CFAP44: variants seen among roughly 807,000 people sequenced by gnomAD.
CFAP44 encodes the protein cilia- and flagella-associated protein 44.
In CFAP44, 134 loss-of-function variants were observed where a neutral mutation model predicts 216.2. That is an observed-to-expected ratio of 0.62 (90% CI 0.54 to 0.72). CFAP44 has a LOEUF of 0.72. Ranked by LOEUF, CFAP44 falls within the 30% of genes least tolerant of loss-of-function variation. CFAP44 has a pLI of 0.00. For synonymous variants in CFAP44, 700 were observed against 727.6 expected, an observed-to-expected ratio of 0.96 and a Z score of 0.61; for missense variants, 2,035 against 2,182.1, an observed-to-expected ratio of 0.93 and a Z score of 1.34.
intron 26 of CFAP44, 63 bp downstream of exon 26, chr3:113,330,105 G>A (rs1021121167): frequency 2.3e-5 from 33 of 1,442,184 alleles, no homozygotes; most frequent in South Asian, 1.4e-4. Flanking sequence ...CAAAAAACCC[G>A]ACCCAATTTT....
chr3:113,290,291 T>C lies in CFAP44; in HGVS notation c.*1266A>G, dbSNP rs1010317212. On this transcript the variant is annotated 3_prime_UTR_variant, in exon 35 of 35. Transcript: ENST00000393845. ...TATTCTGACCTCTTAAATAGGAATA[T>C]GAAGGAATCTTAGGAAGACAATAGG... 2.0e-5 allele frequency: 3 copies of C among 152,178 alleles called. No individual in the cohort carries two copies. The highest frequency in any genetic ancestry group is 4.4e-5 in the Non-Finnish European group (3 of 68,040). 9.4% of individuals were successfully genotyped at this position (152,178 alleles called of 1,614,324 possible).
intron 27 of CFAP44, 98 bp downstream of exon 27, chr3:113,327,518 G>C (rs1257556822): frequency 9.1e-6 from 10 of 1,098,866 alleles, no homozygotes; most frequent in Admixed American, 2.4e-5. Context: ...AGAGATAAGG[G>C]CTAGAACAAG....
chr3:113,324,058 A>AAAAAG (rs1553753480), intron 28 of CFAP44, among the ~76,000 whole-genome samples: 1 of 151,506 alleles, frequency 6.6e-6, no homozygotes, highest in African/African-American at 2.4e-5. Context: ...AAAAAAAAAA[A>AAAAAG]AGAGAGAAAT....
intron 15 of CFAP44, among the ~76,000 whole-genome samples, chr3:113,392,792 G>T (rs1330616510): frequency 6.6e-6 from 1 of 152,116 alleles, no homozygotes; most frequent in Non-Finnish European, 1.5e-5. Flanking sequence ...TAATACGGGA[G>T]GAAGAACATG....
intron 15 of CFAP44, among the ~76,000 whole-genome samples, chr3:113,388,889 G>A (rs1933720721): frequency 6.6e-6 from 1 of 152,106 alleles, no homozygotes; most frequent in Non-Finnish European, 1.5e-5. Context: ...AATATTATTA[G>A]AGCTAAAGAA....
Position 113,396,744 on chromosome 3 carries a change from G to C in CFAP44, c.1570-17C>G, listed in dbSNP as rs1934003137. The C allele has an allele frequency of 6.2e-7, 1 of 1,609,648 alleles. No homozygotes were observed. The highest frequency in any genetic ancestry group is 8.5e-7 in the Non-Finnish European group (1 of 1,176,944). ...GAAGTTTACCTTGGAGAAAATTAAA[G>C]ATAAGGGACCTGAAACTAGTTAAAT... is the stretch of plus-strand genomic sequence containing the variant. On this transcript the variant is annotated splice_polypyrimidine_tract_variant and intron_variant, in intron 13 of 34. Transcript: ENST00000393845.
At chr3:113,359,077 C>A (rs542163532) in intron 21 of CFAP44, among the ~76,000 whole-genome samples, 1 of 152,262 alleles carries the variant, frequency 6.6e-6, no homozygotes, top group Non-Finnish European at 1.5e-5. Context: ...AACAATAATA[C>A]AAATAAAGCT....
intron 29 of CFAP44, among the ~76,000 whole-genome samples, chr3:113,307,356 C>T (rs1189908164): frequency 1.3e-5 from 2 of 152,208 alleles, no homozygotes; most frequent in African/African-American, 2.4e-5. Flanking sequence ...TTATTTGTCA[C>T]TCATAAATGG....
At chr3:113,438,195 T>C (rs1189935067) in intron 1 of CFAP44, among the ~76,000 whole-genome samples, 2 of 152,246 alleles carry the variant, frequency 1.3e-5, no homozygotes, top group African/African-American at 4.8e-5. Flanking sequence ...CTCCTAGATA[T>C]TCTCTTTGAC....
rs534745106 is a variant in CFAP44, at chr3:113,307,345, AT to A, written c.4627+812del. 3.4e-4 allele frequency among the ~76,000 whole-genome samples: 52 copies of A among 152,348 alleles called. 1 individual carries two copies. The South Asian group carries it at 0.011, about 31-fold the overall frequency. ...TGAATCAACTGTCAATTGTCTGCAT[AT>A]TATTTGTCACTCATAAATGGCTGCC... On this transcript the variant is annotated intron_variant, in intron 29 of 34. Coordinates refer to ENST00000393845, the MANE Select transcript of CFAP44 (RefSeq NM_001164496.2).
intron 24 of CFAP44, 26 bp downstream of exon 24, chr3:113,341,718 A>G (rs976369918): frequency 6.9e-7 from 1 of 1,452,796 alleles, no homozygotes; most frequent in Non-Finnish European, 9.0e-7. Context: ...TTAAAAAGAT[A>G]AGAGTTTAGG....
In CFAP44 at chr3:113,333,577, C is replaced by T. The variant is rs994818251; in HGVS notation, c.3444G>A (p.Lys1148=). 1 of 1,517,904 alleles carries T rather than the reference C, an allele frequency of 6.6e-7. No individual in the cohort carries two copies. Among genetic ancestry groups the T allele is most frequent in the African/African-American group, 1.4e-5 (1 of 71,780 alleles). 94.0% of individuals were successfully genotyped at this position (1,517,904 alleles called of 1,614,324 possible). Residue 1148 remains lysine, a synonymous_variant, in exon 25 of 35, where the codon AAG becomes AAA. Coordinates refer to ENST00000393845, the MANE Select transcript of CFAP44 (RefSeq NM_001164496.2). The part of the protein sequence containing the change: ...QRKKEWEELY[K]SKPGDDYEDP... The stretch of plus-strand genomic sequence containing the variant: ...CTTCATAGTCATCACCAGGTTTACT[C>T]TTGTATCTATTAGAAAAACAGACAA...
At chr3:113,368,131 G>A (rs1336346877) in intron 18 of CFAP44, among the ~76,000 whole-genome samples, 1 of 152,222 alleles carries the variant, frequency 6.6e-6, no homozygotes, top group African/African-American at 2.4e-5. Context: ...ACCTGAAAGT[G>A]ATGGGGAAAA....
At chr3:113,388,234 T>C (rs1933703699) in intron 15 of CFAP44, among the ~76,000 whole-genome samples, 1 of 152,242 alleles carries the variant, frequency 6.6e-6, no homozygotes, top group East Asian at 1.9e-4. Context: ...TGGGCAAGAC[T>C]CGGTGCTATT....
chr3:113,365,888 C>A, intron 19 of CFAP44, 151 bp downstream of exon 19: 1 of 809,136 alleles, frequency 1.2e-6, no homozygotes, highest in South Asian at 2.6e-5. Context: ...ATATAAGCAC[C>A]AGAAAGTCAA....
chr3:113,292,630 T>C (rs1360484389), intron 34 of CFAP44, among the ~76,000 whole-genome samples: 1 of 152,188 alleles, frequency 6.6e-6, no homozygotes, highest in Non-Finnish European at 1.5e-5. Flanking sequence ...GATAAGGACA[T>C]TGAGACTCAG....
intron 24 of CFAP44, among the ~76,000 whole-genome samples, chr3:113,337,633 G>C (rs1237139835): frequency 6.6e-6 from 1 of 152,118 alleles, no homozygotes; most frequent in Admixed American, 6.5e-5. Context: ...AGTAAACCCA[G>C]AAATAGACCC....
Position 113,339,666 on chromosome 3 carries a change from T to C in CFAP44, c.3437+2078A>G, listed in dbSNP as rs1345070017. ...TTGGATCCCTCAGACCGGGATTTTC[T>C]TTCTAGGGCCTCAACCTGAAGCTTG... On this transcript the variant is annotated intron_variant, in intron 24 of 34. Coordinates refer to ENST00000393845, the MANE Select transcript of CFAP44 (RefSeq NM_001164496.2). Among the ~76,000 whole-genome samples the C allele has an allele frequency of 2.0e-5, 3 of 152,176 alleles. No individual in the cohort carries two copies. In the East Asian group the frequency reaches 5.8e-4, roughly 29 times the overall value.
At chr3:113,302,398 TA>T (rs1243555508) in intron 32 of CFAP44, among the ~76,000 whole-genome samples, 2 of 137,222 alleles carry the variant, frequency 1.5e-5, no homozygotes, top group South Asian at 4.5e-4. Context: ...GTAGATTGAT[TA>T]AAAAAATTAC....
Sources: gnomAD v4.1 joint callset for allele counts (sites outside exome capture counted in the v4.1 genomes callset) on GRCh38, gnomAD v4.1.1 for gene constraint, MANE v1.5 for transcripts, NCBI Gene and HGNC (gene_info 2026-07-23, HGNC 2026-07-21) for gene names.